The following NAPA variants were observed in gnomAD, a reference collection of about 807,000 sequenced individuals.
NAPA encodes alpha-soluble NSF attachment protein.
In NAPA, 18 loss-of-function variants were observed where a neutral mutation model predicts 48.0. That is an observed-to-expected ratio of 0.38 (90% CI 0.26 to 0.56). The LOEUF (loss-of-function observed/expected upper bound fraction) is 0.56, where lower values mean the gene tolerates loss of function less well. Among genes scored for constraint, NAPA ranks in the 20% least tolerant of loss-of-function variants. The pLI is 0.77. For synonymous variants in NAPA, 152 were observed against 149.9 expected (o/e 1.01, Z -0.10); for missense variants, 315 against 385.0 (o/e 0.82, Z 1.52).
At chr19:47,504,867 T>G (rs1968663316) in intron 1 of NAPA, among the ~76,000 whole-genome samples, 1 of 152,166 alleles carries the variant, frequency 6.6e-6, no homozygotes, top group African/African-American at 2.4e-5. Flanking sequence ...CAGCATAGCA[T>G]TATTTAAAAC....
intron 3 of NAPA, chr19:47,495,801 T>C (rs1968408074): frequency 3.4e-6 from 2 of 594,636 alleles, no homozygotes; most frequent in South Asian, 1.9e-5. Flanking sequence ...GTGAGAGGGC[T>C]GACTCTGCAG....
chr19:47,499,417 T>C (rs1165260190), intron 3 of NAPA, among the ~76,000 whole-genome samples: 2 of 152,186 alleles, frequency 1.3e-5, no homozygotes, highest in Non-Finnish European at 2.9e-5. Flanking sequence ...ATGGAAGGCA[T>C]GGAGACTCCA....
At chr19:47,490,685 C>G in intron 9 of NAPA, 103 bp downstream of exon 9, 1 of 894,854 alleles carries the variant, frequency 1.1e-6, no homozygotes, top group Non-Finnish European at 1.7e-6. Flanking sequence ...CAAAGACACC[C>G]TCTGAGAACT....
intron 1 of NAPA, 29 bp from the exon 2 acceptor site, chr19:47,503,531 A>G: frequency 1.9e-6 from 3 of 1,601,984 alleles, no homozygotes; most frequent in Non-Finnish European, 2.6e-6. Flanking sequence ...AAAAAAGGAG[A>G]CAATCTAGTC....
Position 47,488,325 on chromosome 19 carries a change from T to C in NAPA, c.851A>G (p.Lys284Arg). ...QWLTTMLLRI[K>R]KTIQGDEEDL... ...CTCCTCATCGCCCTGGATGGTCTTC[T>C]TGATGCGCAGCAGCATGGTGGTGAG... The change falls in exon 11 of 11, where the codon AAG (lysine) becomes AGG (arginine). Residue 284 changes from lysine (K) to arginine (R), a missense_variant. Physicochemically the swap from Lys to Arg is conservative, Grantham distance 26 (BLOSUM62 2). Around this residue, in one of 3 missense-constraint regions of NAPA, gnomAD observed 137 missense variants for 150.1 expected, o/e 0.91. Coordinates refer to ENST00000263354, the MANE Select transcript of NAPA (RefSeq NM_003827.4). 4 of 1,613,690 alleles carry C rather than the reference T, an allele frequency of 2.5e-6. No individual in the cohort carries two copies. The highest frequency in any genetic ancestry group is 3.4e-6 in the Non-Finnish European group (4 of 1,179,760).
At chr19:47,499,891 T>A (rs1186993076) in intron 3 of NAPA, among the ~76,000 whole-genome samples, 1 of 152,234 alleles carries the variant, frequency 6.6e-6, no homozygotes, top group East Asian at 1.9e-4. Flanking sequence ...TCCATTCCCC[T>A]GAGATGACAG....
At chr19:47,513,846 C>CTTTTTTTTTTT (rs776314156) in intron 1 of NAPA, among the ~76,000 whole-genome samples, 1 of 115,854 alleles carries the variant, frequency 8.6e-6, no homozygotes, top group Non-Finnish European at 1.7e-5. Context: ...TTCTTTCTTT[C>CTTTTTTTTTTT]TTTTTTTTTT....
At chr19:47,494,738 A>AG (rs1968373488) in intron 4 of NAPA, among the ~76,000 whole-genome samples, 1 of 138,162 alleles carries the variant, frequency 7.2e-6, no homozygotes, top group African/African-American at 2.8e-5. Context: ...TCTGTCTCAA[A>AG]AAAAAAAAAA....
At chr19:47,490,731 C>G (rs73940859) in intron 9 of NAPA, 57 bp downstream of exon 9, 6 of 1,512,728 alleles carry the variant, frequency 4.0e-6, no homozygotes, top group Non-Finnish European at 5.5e-6. Context: ...CACCTGGAGC[C>G]CCAGCCACCC....
intron 9 of NAPA, 43 bp downstream of exon 9, chr19:47,490,745 T>C (rs1026827426): frequency 5.7e-6 from 9 of 1,586,434 alleles, no homozygotes; most frequent in Non-Finnish European, 7.8e-6. Flanking sequence ...GCCACCCCCG[T>C]CTGAGGTTCG....
intron 1 of NAPA, 108 bp from the exon 2 acceptor site, chr19:47,503,610 T>G: frequency 7.6e-6 from 8 of 1,052,078 alleles, no homozygotes; most frequent in Middle Eastern, 2.0e-4. Flanking sequence ...CCCTCACCCT[T>G]CACCTGTGAA....
chr19:47,514,483 G>A (rs1342497863), intron 1 of NAPA, among the ~76,000 whole-genome samples: 1 of 151,960 alleles, frequency 6.6e-6, no homozygotes, highest in African/African-American at 2.4e-5. Context: ...GTCCCCCCAG[G>A]CCGGTCCCCT....
Position 47,503,453 on chromosome 19 carries a change from T to C in NAPA, c.148A>G (p.Asn50Asp), listed in dbSNP as rs1167549093. 2 of 1,614,134 alleles carry C rather than the reference T, an allele frequency of 1.2e-6. No homozygotes were observed. Among genetic ancestry groups the C allele is most frequent in the Admixed American group, 3.3e-5 (2 of 60,010 alleles). The change falls in exon 2 of 11, where the codon AAC becomes GAC. Residue 50 changes from asparagine (N) to aspartate (D), a missense_variant. Asn to Asp is a conservative substitution (Grantham distance 23). Coordinates refer to ENST00000263354, the MANE Select transcript of NAPA (RefSeq NM_003827.4). Reference protein sequence around the residue: ...EACEIYARAANMFKMAKNWSA... With the variant: ...EACEIYARAADMFKMAKNWSA... ...CAGTTTTTGGCCATTTTGAACATGTTTGCTGCTCTGGCGTAGATTTCGCAT... is the reference window on the plus strand; with the variant it reads ...CAGTTTTTGGCCATTTTGAACATGTCTGCTGCTCTGGCGTAGATTTCGCAT...
intron 10 of NAPA, 91 bp from the exon 11 acceptor site, chr19:47,488,480 GTC>G (rs1299795736): frequency 5.6e-5 from 56 of 991,524 alleles, no homozygotes; most frequent in African/African-American, 7.9e-5. Flanking sequence ...TTCAAGATCT[GTC>G]TCTGTCACCC....
intron 1 of NAPA, among the ~76,000 whole-genome samples, chr19:47,508,328 C>T (rs1022301309): frequency 2.0e-5 from 3 of 152,172 alleles, no homozygotes; most frequent in African/African-American, 4.8e-5. Flanking sequence ...CTGAAGGCAC[C>T]GCCACCAGTA....
At chr19:47,502,965 A>T (rs543522006) in intron 2 of NAPA, among the ~76,000 whole-genome samples, 1 of 152,356 alleles carries the variant, frequency 6.6e-6, no homozygotes, top group Non-Finnish European at 1.5e-5. Context: ...GGATATTTAT[A>T]GACTGACCCT....
chr19:47,495,693 G>A, intron 3 of NAPA, 97 bp from the exon 4 acceptor site: 1 of 1,170,002 alleles, frequency 8.5e-7, no homozygotes, highest in Non-Finnish European at 1.3e-6. Context: ...CTGGCTGCCA[G>A]CAGAGAGATC....
At chr19:47,487,421 TG>T (rs1968102385), downstream of NAPA, among the ~76,000 whole-genome samples, 1 of 152,092 alleles carries the variant, frequency 6.6e-6, no homozygotes, top group Admixed American at 6.6e-5. Context: ...AAGATCAAGA[TG>T]GGCGCTCTGG....
At chr19:47,488,553 C>G (rs2122717420) in intron 10 of NAPA, 164 bp from the exon 11 acceptor site, 1 of 534,838 alleles carries the variant, frequency 1.9e-6, no homozygotes, top group Admixed American at 3.1e-5. Flanking sequence ...TGGGAGCTCC[C>G]TCTTGTCTGT....
Sources: gnomAD v4.1 joint callset for allele counts (sites outside exome capture counted in the v4.1 genomes callset) on GRCh38, gnomAD v4.1.1 for gene constraint, gnomAD v4.1.1 regional missense constraint, MANE v1.5 for transcripts, NCBI Gene and HGNC (gene_info 2026-07-23, HGNC 2026-07-21) for gene names.